SCAND3: variants seen among roughly 807,000 people sequenced by gnomAD.
SCAND3 encodes SCAN domain-containing protein 3.
the SCAND3 span, chr6:28,574,892 C>G: frequency 6.2e-6 from 10 of 1,613,870 alleles, no homozygotes; most frequent in Non-Finnish European, 1.7e-6. Context: ...TTTTCACAAA[C>G]TACACAGGAT....
the SCAND3 span, among the ~76,000 whole-genome samples, chr6:28,577,343 A>G: frequency 6.6e-6 from 1 of 152,222 alleles, no homozygotes; most frequent in South Asian, 2.1e-4. Context: ...CTTTCACTCA[A>G]GTCAACATCA....
At chr6:28,575,460 C>G in the SCAND3 span, 3,225 of 1,613,682 alleles carry the variant, frequency 2.0e-3, 29 homozygotes, top group African/African-American at 0.027. The surrounding 1 kb of genome is among the most constrained non-coding windows in gnomAD (Gnocchi z 4.2). Context: ...GTGCAACTTC[C>G]GTAGGCCTTT....
chr6:28,592,017 C>T, the SCAND3 span, among the ~76,000 whole-genome samples: 1 of 152,118 alleles, frequency 6.6e-6, no homozygotes, highest in Non-Finnish European at 1.5e-5. The surrounding 1 kb of genome is among the most constrained non-coding windows in gnomAD (Gnocchi z 4.1). Flanking sequence ...GTGATTATAT[C>T]CATAGATACG....
At chr6:28,598,724 A>T in the SCAND3 span, among the ~76,000 whole-genome samples, 2 of 137,056 alleles carry the variant, frequency 1.5e-5, no homozygotes, top group African/African-American at 3.3e-5. Context: ...AAAATAAAAT[A>T]AAATTAGCTG....
chr6:28,604,813 G>A, the SCAND3 span, among the ~76,000 whole-genome samples: 1 of 151,954 alleles, frequency 6.6e-6, no homozygotes, highest in Non-Finnish European at 1.5e-5. Flanking sequence ...ATGACTTTTT[G>A]TATCTGTTGA....
chr6:28,609,004 G>A, the SCAND3 span, among the ~76,000 whole-genome samples: 1 of 152,070 alleles, frequency 6.6e-6, no homozygotes, highest in African/African-American at 2.4e-5. Context: ...AAAAAAAAGC[G>A]GGGGTTGGGG....
At chr6:28,577,045 T>G in the SCAND3 span, among the ~76,000 whole-genome samples, 1 of 152,294 alleles carries the variant, frequency 6.6e-6, no homozygotes, top group Middle Eastern at 3.4e-3. Context: ...TCCAACCTAA[T>G]ATATTCATAT....
the SCAND3 span, among the ~76,000 whole-genome samples, chr6:28,598,919 G>A: frequency 6.8e-6 from 1 of 147,032 alleles, no homozygotes; most frequent in Non-Finnish European, 1.5e-5. Flanking sequence ...AGTAATTATA[G>A]CAAGGTTGCA....
the SCAND3 span, among the ~76,000 whole-genome samples, chr6:28,581,167 T>C: frequency 6.6e-6 from 1 of 151,932 alleles, no homozygotes; most frequent in Non-Finnish European, 1.5e-5. Context: ...TGAAACCTCA[T>C]CACTGCCCAA....
chr6:28,605,452 G>A, the SCAND3 span, among the ~76,000 whole-genome samples: 1 of 152,074 alleles, frequency 6.6e-6, no homozygotes. Context: ...AAGCACGCAA[G>A]ATTATCTATT....
At chr6:28,609,604 G>A in the SCAND3 span, among the ~76,000 whole-genome samples, 1 of 152,278 alleles carries the variant, frequency 6.6e-6, no homozygotes, top group East Asian at 1.9e-4. Flanking sequence ...ATTGGCAATG[G>A]CTGCTATAAC....
At chr6:28,573,425 C>A in the SCAND3 span, 5 of 1,613,980 alleles carry the variant, frequency 3.1e-6, no homozygotes, top group African/African-American at 4.0e-5. Context: ...TTATATGAAG[C>A]CCGCAAAGCA....
the SCAND3 span, among the ~76,000 whole-genome samples, chr6:28,597,117 A>C: frequency 6.6e-6 from 1 of 152,228 alleles, no homozygotes; most frequent in East Asian, 1.9e-4. Context: ...CAAATGTTTC[A>C]ACTGGCTAAT....
the SCAND3 span, among the ~76,000 whole-genome samples, chr6:28,606,287 A>G: frequency 6.6e-6 from 1 of 152,150 alleles, no homozygotes. Flanking sequence ...TGAGTTATAA[A>G]TTGTTTGAGA....
the SCAND3 span, among the ~76,000 whole-genome samples, chr6:28,615,130 G>A: frequency 1.3e-5 from 2 of 152,180 alleles, no homozygotes; most frequent in Non-Finnish European, 2.9e-5. Flanking sequence ...GTGGCATAGA[G>A]CTCTCTGCAC....
chr6:28,591,978 C>T, the SCAND3 span, among the ~76,000 whole-genome samples: 53 of 152,254 alleles, frequency 3.5e-4, no homozygotes, highest in Admixed American at 8.5e-4. Flanking sequence ...TGTTACACCA[C>T]ATTAACAAAA....
At chr6:28,608,138 C>T in the SCAND3 span, among the ~76,000 whole-genome samples, 1 of 152,216 alleles carries the variant, frequency 6.6e-6, no homozygotes, top group Non-Finnish European at 1.5e-5. Flanking sequence ...CCCGCTCCCA[C>T]TAGCTACTCT....
the SCAND3 span, chr6:28,586,771 T>C: frequency 7.4e-6 from 11 of 1,492,598 alleles, no homozygotes; most frequent in South Asian, 7.6e-5. The surrounding 1 kb of genome is among the most constrained non-coding windows in gnomAD (Gnocchi z 4.4). Context: ...TCTAGGCAAA[T>C]GGGTGATTTT....
the SCAND3 span, among the ~76,000 whole-genome samples, chr6:28,599,172 A>G: frequency 2.2e-4 from 34 of 152,360 alleles, no homozygotes; most frequent in South Asian, 6.4e-3. Flanking sequence ...GAATCCAAAT[A>G]AATGGAGAGA....
Sources: gnomAD v4.1 joint callset for allele counts (sites outside exome capture counted in the v4.1 genomes callset) on GRCh38, gnomAD v4.1.1 for gene constraint, Gnocchi (gnomAD v3.1) non-coding constraint, MANE v1.5 for transcripts, NCBI Gene and HGNC (gene_info 2026-07-23, HGNC 2026-07-21) for gene names.